ITPKB: variants seen among roughly 807,000 people sequenced by gnomAD.
ITPKB encodes IP3 3-kinase B.
In ITPKB, 13 loss-of-function variants were observed where a neutral mutation model predicts 69.4. The ratio of observed to expected loss-of-function variants is 0.19; its 90% CI spans 0.12 to 0.30. The LOEUF (loss-of-function observed/expected upper bound fraction) is 0.30, where lower values mean the gene tolerates loss of function less well. Among genes scored for constraint, ITPKB ranks in the 10% least tolerant of loss-of-function variants. The probability of loss-of-function intolerance (pLI) is 1.00; values close to 1 mark genes in which losing one functional copy is unlikely to be tolerated. For synonymous variants in ITPKB, 584 were observed against 513.7 expected, an observed-to-expected ratio of 1.14 and a Z score of -1.85; for missense variants, 1,240 against 1,250.5, an observed-to-expected ratio of 0.99 and a Z score of 0.13.
At position 226,637,175 on chromosome 1, in the gene ITPKB, C is replaced by T. The variant is rs569252738; in HGVS notation, c.2625+504G>A. On this transcript the variant is annotated intron_variant, in intron 7 of 7. Transcript: ENST00000429204. The surrounding 1 kb of genome is among the most constrained non-coding windows in gnomAD (Gnocchi z 4.3). ...GGGAACCTGCCGACACCTCCCAGAG[C>T]CTCTCTCAGGTGTCTCAGTTCCCCA... 1.8e-4 allele frequency among the ~76,000 whole-genome samples: 28 copies of T among 152,330 alleles called. No individual in the cohort carries two copies. The highest frequency in any genetic ancestry group is 5.8e-4 in the African/African-American group (24 of 41,584).
intron 2 of ITPKB, among the ~76,000 whole-genome samples, chr1:226,733,624 A>G (rs1276128924): frequency 6.6e-6 from 1 of 152,128 alleles, no homozygotes; most frequent in Non-Finnish European, 1.5e-5. Context: ...TGTGATTCAG[A>G]GAGCAAAGCC....
intron 5 of ITPKB, 65 bp from the exon 6 acceptor site, chr1:226,639,723 A>T (rs1668914859): frequency 9.5e-7 from 1 of 1,054,094 alleles, no homozygotes; most frequent in Non-Finnish European, 1.5e-6. Context: ...AACTGTTCTC[A>T]CCCACCCAAC....
In ITPKB at chr1:226,637,272, C is replaced by T. The variant is rs1207366465; in HGVS notation, c.2625+407G>A. On this transcript the variant is annotated intron_variant, in intron 7 of 7. Coordinates refer to ENST00000429204, the MANE Select transcript of ITPKB (RefSeq NM_002221.4). The surrounding 1 kb of genome is among the most constrained non-coding windows in gnomAD (Gnocchi z 4.3). Reference sequence around the variant, plus strand: ...ATTCCAGCCCTGCCCGAGAGTGGCACCTGAAGACCTGCCTGCCCTCCTCAG... The same window carrying T: ...ATTCCAGCCCTGCCCGAGAGTGGCATCTGAAGACCTGCCTGCCCTCCTCAG... Among the ~76,000 whole-genome samples the T allele has an allele frequency of 6.6e-6, 1 of 152,202 alleles. No individual in the cohort carries two copies. Among genetic ancestry groups the T allele is most frequent in the Non-Finnish European group, 1.5e-5 (1 of 68,040 alleles).
chr1:226,652,204 C>T (rs1442102482), intron 2 of ITPKB, among the ~76,000 whole-genome samples: 1 of 152,216 alleles, frequency 6.6e-6, no homozygotes, highest in Non-Finnish European at 1.5e-5. Flanking sequence ...CCCAACCACT[C>T]CAGCCTAGCC....
At chr1:226,647,849 GGGT>G (rs1347489095) in intron 3 of ITPKB, among the ~76,000 whole-genome samples, 1 of 152,254 alleles carries the variant, frequency 6.6e-6, no homozygotes, top group Non-Finnish European at 1.5e-5. Context: ...CAGCCCACCT[GGGT>G]GGCACTTCTT....
rs1558297332 is a variant in ITPKB, at chr1:226,633,442, A to T, written c.*1229T>A. 1 of 152,120 alleles carries T rather than the reference A, an allele frequency of 6.6e-6. No individual in the cohort carries two copies. Among genetic ancestry groups the T allele is most frequent in the East Asian group, 1.9e-4 (1 of 5,190 alleles). 9.4% of individuals were successfully genotyped at this position (152,120 alleles called of 1,614,324 possible). On this transcript the variant is annotated 3_prime_UTR_variant, in exon 8 of 8. Transcript: ENST00000429204. ...AATTTTACATTCCCTTCCATATCAG[A>T]CTCACTGGCTTTCAGTTAAAATTGG... is the stretch of plus-strand genomic sequence containing the variant.
At chr1:226,666,473 C>T (rs921990981) in intron 2 of ITPKB, among the ~76,000 whole-genome samples, 3 of 152,154 alleles carry the variant, frequency 2.0e-5, no homozygotes, top group Non-Finnish European at 4.4e-5. Context: ...GCATGTGCAG[C>T]GTCATGCCCC....
intron 2 of ITPKB, among the ~76,000 whole-genome samples, chr1:226,652,037 C>T (rs1231671283): frequency 2.0e-5 from 3 of 152,248 alleles, no homozygotes; most frequent in South Asian, 2.1e-4. Context: ...CACTGGAGAC[C>T]TCTTTTCTCT....
intron 2 of ITPKB, among the ~76,000 whole-genome samples, chr1:226,718,454 G>A (rs968888657): frequency 1.3e-5 from 2 of 151,964 alleles, no homozygotes; most frequent in African/African-American, 4.8e-5. Context: ...AATTAGCTGG[G>A]CATGGTGCTG....
intron 2 of ITPKB, among the ~76,000 whole-genome samples, chr1:226,700,530 T>G (rs1656613516): frequency 6.8e-6 from 1 of 147,486 alleles, no homozygotes. Context: ...CCAATCAAGT[T>G]GACACTCAGT....
intron 2 of ITPKB, among the ~76,000 whole-genome samples, chr1:226,733,050 C>A (rs2102651434): frequency 6.6e-6 from 1 of 152,128 alleles, no homozygotes; most frequent in East Asian, 1.9e-4. Flanking sequence ...GGTCTGAGGG[C>A]CAGGGGTTGG....
chr1:226,638,840 G>A (rs1037931293), intron 6 of ITPKB, among the ~76,000 whole-genome samples: 3 of 151,954 alleles, frequency 2.0e-5, no homozygotes, highest in Non-Finnish European at 2.9e-5. Flanking sequence ...CCTGGCAGAC[G>A]GCGGGCACTG....
intron 3 of ITPKB, 126 bp from the exon 4 acceptor site, chr1:226,647,506 C>G (rs985742135): frequency 1.2e-5 from 8 of 688,764 alleles, no homozygotes; most frequent in Admixed American, 4.4e-5. Context: ...GTGTCTATGT[C>G]CCTGCTATGG....
At chr1:226,691,876 T>G (rs1258254964) in intron 2 of ITPKB, among the ~76,000 whole-genome samples, 3 of 152,154 alleles carry the variant, frequency 2.0e-5, no homozygotes, top group Non-Finnish European at 4.4e-5. Flanking sequence ...AGCTCTGTGT[T>G]GCGTGGGCCC....
intron 2 of ITPKB, chr1:226,656,569 G>C (rs1558075681): frequency 6.6e-6 from 1 of 152,228 alleles, no homozygotes; most frequent in African/African-American, 2.4e-5. Flanking sequence ...CCCCCTTCTT[G>C]CTGATTTGGC....
intron 2 of ITPKB, among the ~76,000 whole-genome samples, chr1:226,651,244 C>CA (rs1669186436): frequency 6.6e-6 from 1 of 152,194 alleles, no homozygotes; most frequent in Non-Finnish European, 1.5e-5. Context: ...GGGCTGCAGA[C>CA]AGAGGGAGAT....
chr1:226,674,210 AT>A (rs911064500), intron 2 of ITPKB, among the ~76,000 whole-genome samples: 126 of 151,268 alleles, frequency 8.3e-4, no homozygotes, highest in African/African-American at 3.0e-3. Context: ...ATATATACAC[AT>A]TTTTTTTTGA....
At chr1:226,690,398 C>T (rs1656320337) in intron 2 of ITPKB, among the ~76,000 whole-genome samples, 2 of 152,316 alleles carry the variant, frequency 1.3e-5, no homozygotes, top group Middle Eastern at 3.4e-3. Context: ...GCCAAAGTCA[C>T]ACAACAAAGA....
In ITPKB at chr1:226,707,821, G is replaced by T. The variant is rs7512520; in HGVS notation, c.1932+27706C>A. On this transcript the variant is annotated intron_variant, in intron 2 of 7. Transcript: ENST00000429204. The stretch of plus-strand genomic sequence containing the variant: ...CCGTAATTGGCTCAGTCTTTCCAGA[G>T]AGTAGTGTAGGAAGATGAAATATGC... The T allele has an allele frequency of 1.9e-3, 2,208 of 1,160,754 alleles. 43 individuals carry two copies. In the African/African-American group the frequency reaches 0.034, roughly 18 times the overall value. 71.9% of individuals were successfully genotyped at this position (1,160,754 alleles called of 1,614,324 possible).
Sources: gnomAD v4.1 joint callset for allele counts (sites outside exome capture counted in the v4.1 genomes callset) on GRCh38, gnomAD v4.1.1 for gene constraint, Gnocchi (gnomAD v3.1) non-coding constraint, MANE v1.5 for transcripts, NCBI Gene and HGNC (gene_info 2026-07-23, HGNC 2026-07-21) for gene names.